Variants in RSU1 observed in about 807,000 individuals in gnomAD.
RSU1 encodes rsu-1.
RSU1 carries 26 observed loss-of-function variants against 31.1 expected under a neutral mutation model. The ratio of observed to expected loss-of-function variants is 0.84; its 90% confidence interval spans 0.61 to 1.16. RSU1 has a LOEUF of 1.16. RSU1 is among the 50% of genes most tolerant of loss of function. The probability of loss-of-function intolerance (pLI) is 0.00; values close to 1 mark genes in which losing one functional copy is unlikely to be tolerated. For missense variants in RSU1, 320 were observed against 339.1 expected, an observed-to-expected ratio of 0.94 and a Z score of 0.44; for synonymous variants, 164 against 136.3, an observed-to-expected ratio of 1.20 and a Z score of -1.41.
At chr10:16,684,474 T>C (rs1006241520) in intron 8 of RSU1, among the ~76,000 whole-genome samples, 2 of 152,158 alleles carry the variant, frequency 1.3e-5, no homozygotes, top group Non-Finnish European at 2.9e-5. Context: ...ATGCAGTCAT[T>C]AGGGTGGGCC....
chr10:16,713,235 G>A (rs962618588), intron 7 of RSU1, among the ~76,000 whole-genome samples: 6 of 152,124 alleles, frequency 3.9e-5, no homozygotes, highest in African/African-American at 9.7e-5. Context: ...TCCTATGTCC[G>A]TATTTCTGCC....
At chr10:16,716,814 A>G in intron 7 of RSU1, among the ~76,000 whole-genome samples, 1 of 152,106 alleles carries the variant, frequency 6.6e-6, no homozygotes, top group East Asian at 1.9e-4. Flanking sequence ...GGAGGAAATG[A>G]CTTCTTAGAT....
chr10:16,661,133 T>C (rs929233903), intron 8 of RSU1, among the ~76,000 whole-genome samples: 1 of 152,228 alleles, frequency 6.6e-6, no homozygotes, highest in Non-Finnish European at 1.5e-5. Context: ...TTTTTCTATA[T>C]GCAGTATTCT....
chr10:16,688,353 T>A (rs1000876738), intron 8 of RSU1, among the ~76,000 whole-genome samples: 30 of 152,130 alleles, frequency 2.0e-4, no homozygotes, highest in Non-Finnish European at 1.6e-4. Flanking sequence ...AGGCCTGTAA[T>A]CCCAGCACTT....
intron 8 of RSU1, among the ~76,000 whole-genome samples, chr10:16,594,626 TGATA>T (rs915426396): frequency 6.3e-5 from 9 of 143,628 alleles, no homozygotes; most frequent in South Asian, 2.1e-4. Flanking sequence ...ATGATATATA[TGATA>T]GATAATATGA....
chr10:16,720,912 G>T (rs1240554086), intron 7 of RSU1, among the ~76,000 whole-genome samples: 2 of 152,144 alleles, frequency 1.3e-5, no homozygotes, highest in African/African-American at 4.8e-5. Context: ...CCTGAGCCCT[G>T]AGAGTTTGAG....
intron 7 of RSU1, among the ~76,000 whole-genome samples, chr10:16,715,264 TG>T (rs1322472657): frequency 6.6e-6 from 1 of 152,224 alleles, no homozygotes; most frequent in Non-Finnish European, 1.5e-5. Flanking sequence ...GCCTTTTCAT[TG>T]TGTTGATGTT....
chr10:16,798,888 G>A (rs75571110), intron 2 of RSU1, among the ~76,000 whole-genome samples: 2,752 of 152,262 alleles, frequency 0.018, 78 homozygotes, highest in East Asian at 0.083. Flanking sequence ...AAACTGTCGA[G>A]TCTCTATACC....
intron 7 of RSU1, among the ~76,000 whole-genome samples, chr10:16,724,511 GCCATTGGCTAAA>G (rs1274752962): frequency 6.6e-6 from 1 of 152,172 alleles, no homozygotes; most frequent in African/African-American, 2.4e-5. Context: ...ACTGAAATGA[GCCATTGGCTAAA>G]GGGCTAAGAT....
chr10:16,814,148 G>C (rs1383155304), intron 2 of RSU1, among the ~76,000 whole-genome samples: 1 of 152,146 alleles, frequency 6.6e-6, no homozygotes, highest in Non-Finnish European at 1.5e-5. Flanking sequence ...TATCAGTAAA[G>C]AAACATGGAG....
At chr10:16,695,264 G>T in intron 7 of RSU1, 109 bp from the exon 8 acceptor site, 1 of 1,039,722 alleles carries the variant, frequency 9.6e-7, no homozygotes. Flanking sequence ...AACCCTAAGT[G>T]CCTCTTGGAT....
At chr10:16,806,730 A>G (rs937576870) in intron 2 of RSU1, among the ~76,000 whole-genome samples, 2 of 152,128 alleles carry the variant, frequency 1.3e-5, no homozygotes, top group Non-Finnish European at 2.9e-5. Context: ...GACACGCCCT[A>G]AAGACTTAAG....
intron 8 of RSU1, among the ~76,000 whole-genome samples, chr10:16,677,547 T>C (rs1477816196): frequency 6.6e-6 from 1 of 152,164 alleles, no homozygotes; most frequent in Non-Finnish European, 1.5e-5. Flanking sequence ...TAAACCCAAG[T>C]CGTCTTGTAT....
intron 8 of RSU1, among the ~76,000 whole-genome samples, chr10:16,613,753 G>C (rs1203861090): frequency 1.3e-5 from 2 of 150,430 alleles, no homozygotes; most frequent in Non-Finnish European, 1.5e-5. Context: ...ATATGCATCA[G>C]AGAAAAGCTG....
At chr10:16,628,638 T>G (rs947556025) in intron 8 of RSU1, among the ~76,000 whole-genome samples, 3 of 152,216 alleles carry the variant, frequency 2.0e-5, no homozygotes, top group Non-Finnish European at 4.4e-5. Context: ...GAGACACAAA[T>G]AATTGTTTTA....
chr10:16,752,557 C>T lies in RSU1; in HGVS notation c.580G>A (p.Val194Ile), dbSNP rs750770290. ...ELHIQGNRLT[V>I]LPPELGNLDL... ...ACCTTACCTAGTTCTGGGGGCAGAACGGTGAGGCGGTTCCCCTGAATGTGG... is the reference window on the plus strand; with the variant it reads ...ACCTTACCTAGTTCTGGGGGCAGAATGGTGAGGCGGTTCCCCTGAATGTGG... Residue 194 changes from valine (V) to isoleucine (I), a missense_variant, in exon 7 of 9, where the codon GTT becomes ATT. Val to Ile is a conservative substitution (Grantham distance 29). Transcript: ENST00000345264. 9.3e-6 allele frequency: 15 copies of T among 1,613,742 alleles called. No individual in the cohort carries two copies. In the East Asian group the frequency reaches 1.3e-4, roughly 14 times the overall value.
At chr10:16,766,657 G>A (rs1837321045) in intron 3 of RSU1, among the ~76,000 whole-genome samples, 2 of 151,886 alleles carry the variant, frequency 1.3e-5, no homozygotes, top group Admixed American at 1.3e-4. Flanking sequence ...AGAGGTTGCA[G>A]TAAGCCAAGA....
chr10:16,650,729 G>A (rs886510834), intron 8 of RSU1, among the ~76,000 whole-genome samples: 4 of 150,860 alleles, frequency 2.7e-5, no homozygotes, highest in Non-Finnish European at 4.4e-5. Flanking sequence ...ACAGGCGCCC[G>A]CCACCACACC....
At chr10:16,756,636 C>T (rs1252876134) in intron 4 of RSU1, among the ~76,000 whole-genome samples, 1 of 152,198 alleles carries the variant, frequency 6.6e-6, no homozygotes, top group East Asian at 1.9e-4. Context: ...ATGTAACATA[C>T]AAAATATGTG....
Sources: allele counts gnomAD v4.1 joint callset (sites outside exome capture counted in the v4.1 genomes callset), GRCh38; gene constraint gnomAD v4.1.1; transcripts MANE v1.5; gene names NCBI Gene and HGNC (gene_info 2026-07-23, HGNC 2026-07-21).